Variants in WDFY2 observed in about 807,000 individuals in gnomAD.
WDFY2 encodes WD repeat and FYVE domain-containing protein 2.
WDFY2 carries 36 observed loss-of-function variants against 56.4 expected under a neutral mutation model. That is an observed-to-expected ratio of 0.64 (90% CI 0.49 to 0.84). The LOEUF is 0.84. WDFY2 is among the 40% of genes least tolerant of loss of function. The pLI is 0.00. For synonymous variants in WDFY2, 176 were observed against 183.7 expected, an observed-to-expected ratio of 0.96 and a Z score of 0.34; for missense variants, 444 against 512.2, an observed-to-expected ratio of 0.87 and a Z score of 1.29.
intron 1 of WDFY2, among the ~76,000 whole-genome samples, chr13:51,605,066 GAA>G (rs995602354): frequency 1.3e-5 from 2 of 152,248 alleles, no homozygotes; most frequent in Non-Finnish European, 2.9e-5. Context: ...TAGGTAGAAT[GAA>G]AAGAGAGGAG....
intron 1 of WDFY2, chr13:51,593,860 A>G (rs752194850): frequency 2.0e-5 from 3 of 152,150 alleles, no homozygotes; most frequent in African/African-American, 4.8e-5. Flanking sequence ...CATTTTTTGT[A>G]TAGAAAACAT....
chr13:51,643,413 G>A (rs964244210), intron 1 of WDFY2, among the ~76,000 whole-genome samples: 1 of 152,238 alleles, frequency 6.6e-6, no homozygotes, highest in African/African-American at 2.4e-5. Flanking sequence ...GCCTGCCACT[G>A]TAACTGGCTG....
At chr13:51,755,309 T>G (rs1294269592) in intron 8 of WDFY2, 49 bp from the exon 9 acceptor site, 1 of 1,575,644 alleles carries the variant, frequency 6.3e-7, no homozygotes, top group Non-Finnish European at 8.7e-7. Context: ...TGGTTTCCAT[T>G]GTCCTGACTG....
chr13:51,700,299 G>T (rs538825728), intron 3 of WDFY2, among the ~76,000 whole-genome samples: 3 of 152,272 alleles, frequency 2.0e-5, no homozygotes, highest in African/African-American at 7.2e-5. Context: ...TGGGTGGACA[G>T]CTGAATGGAA....
At chr13:51,709,768 G>T (rs1942588112) in intron 4 of WDFY2, among the ~76,000 whole-genome samples, 1 of 152,096 alleles carries the variant, frequency 6.6e-6, no homozygotes, top group African/African-American at 2.4e-5. Context: ...ACCAATAACA[G>T]GTTCTGAAAC....
chr13:51,659,598 GAAC>G (rs1955574554), intron 1 of WDFY2, among the ~76,000 whole-genome samples: 1 of 152,176 alleles, frequency 6.6e-6, no homozygotes, highest in Admixed American at 6.5e-5. Flanking sequence ...TGTTTGGTCA[GAAC>G]ATCATGATAC....
intron 1 of WDFY2, among the ~76,000 whole-genome samples, chr13:51,610,340 A>T (rs1412914441): frequency 6.6e-6 from 1 of 151,836 alleles, no homozygotes; most frequent in Admixed American, 6.6e-5. Context: ...GCATGAAAAT[A>T]ATTAAAATGG....
intron 4 of WDFY2, among the ~76,000 whole-genome samples, chr13:51,707,563 C>G (rs1952110169): frequency 6.6e-6 from 1 of 151,974 alleles, no homozygotes; most frequent in South Asian, 2.1e-4. Context: ...TTTGGACACA[C>G]AAAAACAGAA....
intron 4 of WDFY2, among the ~76,000 whole-genome samples, chr13:51,709,754 A>AT (rs1952167517): frequency 6.6e-6 from 1 of 152,220 alleles, no homozygotes; most frequent in Admixed American, 6.5e-5. Context: ...GAATCCCTGA[A>AT]TAGACCAATA....
At chr13:51,720,928 A>G (rs983113613) in intron 5 of WDFY2, among the ~76,000 whole-genome samples, 6 of 150,664 alleles carry the variant, frequency 4.0e-5, no homozygotes, top group African/African-American at 7.3e-5. Context: ...TTGGGGAGAC[A>G]TAATCATTCT....
intron 1 of WDFY2, among the ~76,000 whole-genome samples, chr13:51,607,379 T>C (rs1459313925): frequency 6.6e-6 from 1 of 152,210 alleles, no homozygotes; most frequent in Non-Finnish European, 1.5e-5. Flanking sequence ...CCTCTTCAGA[T>C]CGTGTTTGCT....
At chr13:51,712,209 G>A (rs925977507) in intron 4 of WDFY2, among the ~76,000 whole-genome samples, 5 of 152,092 alleles carry the variant, frequency 3.3e-5, no homozygotes, top group Admixed American at 3.3e-4. Flanking sequence ...AGAAAACCAA[G>A]CACCGTATCT....
At chr13:51,633,066 CTT>C (rs1215214808) in intron 1 of WDFY2, among the ~76,000 whole-genome samples, 1 of 152,176 alleles carries the variant, frequency 6.6e-6, no homozygotes, top group Non-Finnish European at 1.5e-5. Flanking sequence ...GCAGGGCAGA[CTT>C]TGTCTTTGTT....
chr13:51,714,282 T>G (rs1952294538), intron 4 of WDFY2, among the ~76,000 whole-genome samples: 1 of 151,978 alleles, frequency 6.6e-6, no homozygotes, highest in African/African-American at 2.4e-5. Flanking sequence ...TGTTTTTGTT[T>G]TTTTGTTTTG....
At chr13:51,608,012 G>A (rs1299654554) in intron 1 of WDFY2, among the ~76,000 whole-genome samples, 2 of 152,176 alleles carry the variant, frequency 1.3e-5, no homozygotes, top group African/African-American at 2.4e-5. Flanking sequence ...GCTAAGGAAT[G>A]CTGGAAGTCT....
At position 51,726,417 on chromosome 13, in the gene WDFY2, T is replaced by A. The variant is rs1952606663; in HGVS notation, c.486-1261T>A. On this transcript the variant is annotated intron_variant, in intron 5 of 11. Transcript: ENST00000298125. ...AACATGGAGTGACTAGCCTTGGGCA[T>A]GTGTCATTCTGTATTTTTGCCTGTG... 1.3e-5 allele frequency among the ~76,000 whole-genome samples: 2 copies of A among 152,232 alleles called. 1 individual carries two copies. Among genetic ancestry groups the A allele is most frequent in the South Asian group, 4.1e-4 (2 of 4,836 alleles).
intron 5 of WDFY2, among the ~76,000 whole-genome samples, chr13:51,726,026 G>C (rs1252420835): frequency 6.6e-6 from 1 of 152,150 alleles, no homozygotes; most frequent in South Asian, 2.1e-4. Context: ...TTCTAAAATA[G>C]GAACTATGAC....
At chr13:51,687,615 T>TAA (rs768546432) in intron 3 of WDFY2, among the ~76,000 whole-genome samples, 8 of 140,664 alleles carry the variant, frequency 5.7e-5, no homozygotes, top group African/African-American at 1.8e-4. Flanking sequence ...TGACTTGAGC[T>TAA]AAAAAAAAAA....
intron 1 of WDFY2, chr13:51,589,774 T>C (rs549644803): frequency 6.6e-6 from 1 of 152,208 alleles, no homozygotes; most frequent in Non-Finnish European, 1.5e-5. Context: ...AAGTCTCTAA[T>C]AGCATAAAAT....
Sources: gnomAD v4.1 joint callset for allele counts (sites outside exome capture counted in the v4.1 genomes callset) on GRCh38, gnomAD v4.1.1 for gene constraint, MANE v1.5 for transcripts, NCBI Gene and HGNC (gene_info 2026-07-23, HGNC 2026-07-21) for gene names.